LMX1A: variants seen among roughly 807,000 people sequenced by gnomAD.
LMX1A encodes LIM homeobox transcription factor 1-alpha.
LMX1A carries 15 observed loss-of-function variants against 49.1 expected under a neutral mutation model. The observed-to-expected ratio is 0.31, with a 90% CI of 0.20 to 0.47. LMX1A has a LOEUF of 0.47. Ranked by LOEUF, LMX1A falls within the 20% of genes least tolerant of loss-of-function variation. The pLI is 1.00. For missense variants in LMX1A, 372 were observed against 475.8 expected, an observed-to-expected ratio of 0.78 and a Z score of 2.03; for synonymous variants, 167 against 185.7, an observed-to-expected ratio of 0.90 and a Z score of 0.82.
rs115226726 is a variant in LMX1A, at chr1:165,262,203, G to A, written c.264-12563C>T. On this transcript the variant is annotated intron_variant, in intron 3 of 8. Coordinates refer to ENST00000342310, the MANE Select transcript of LMX1A (RefSeq NM_177398.4). The stretch of plus-strand genomic sequence containing the variant: ...GGGGTAGCCATGTGAGGTAGTACAT[G>A]GATTCTATTGGTGAGGAAAGCGCTA... 2.9e-3 allele frequency among the ~76,000 whole-genome samples: 443 copies of A among 152,246 alleles called. 3 individuals are homozygous for A. Among genetic ancestry groups the A allele is most frequent in the African/African-American group, 9.9e-3 (413 of 41,544 alleles).
intron 4 of LMX1A, among the ~76,000 whole-genome samples, chr1:165,216,553 G>A (rs1651650309): frequency 6.6e-6 from 1 of 152,190 alleles, no homozygotes; most frequent in Admixed American, 6.5e-5. Flanking sequence ...GCCAGGCTCA[G>A]AAAGAGAGCT....
At position 165,203,673 on chromosome 1, in the gene LMX1A, T is replaced by C. The variant is rs532193350; in HGVS notation, c.*207A>G. The stretch of plus-strand genomic sequence containing the variant: ...GTCTTCATATCTAATGCTAAGACTC[T>C]TATTAGAAACATTAAACTATGCAAT... On this transcript the variant is annotated 3_prime_UTR_variant, in exon 9 of 9. Coordinates refer to ENST00000342310, the MANE Select transcript of LMX1A (RefSeq NM_177398.4). The C allele has an allele frequency of 8.8e-6, 4 of 456,960 alleles. No individual in the cohort carries two copies. The East Asian group carries it at 1.3e-4, about 14-fold the overall frequency. The allele number at this position is 456,960 out of a possible 1,614,324, so 28.3% of individuals were successfully genotyped here.
At chr1:165,317,850 C>A (rs929723309) in intron 3 of LMX1A, among the ~76,000 whole-genome samples, 1 of 152,220 alleles carries the variant, frequency 6.6e-6, no homozygotes, top group Non-Finnish European at 1.5e-5. Flanking sequence ...CATTCCCTGG[C>A]AACCTATTTT....
At chr1:165,245,229 T>C (rs1175001101) in intron 4 of LMX1A, among the ~76,000 whole-genome samples, 2 of 152,106 alleles carry the variant, frequency 1.3e-5, no homozygotes, top group Non-Finnish European at 2.9e-5. Flanking sequence ...GAGTTAGTTT[T>C]TCAACCTTTG....
At chr1:165,223,540 AG>A (rs751403080) in intron 4 of LMX1A, among the ~76,000 whole-genome samples, 2 of 152,238 alleles carry the variant, frequency 1.3e-5, no homozygotes, top group Non-Finnish European at 2.9e-5. Context: ...AATGGGATAA[AG>A]AATGACTGCA....
chr1:165,277,103 G>C (rs1653992439), intron 3 of LMX1A, among the ~76,000 whole-genome samples: 1 of 152,238 alleles, frequency 6.6e-6, no homozygotes, highest in Admixed American at 6.5e-5. Flanking sequence ...ACTTCCACTT[G>C]ACTGTTTGCC....
chr1:165,301,550 T>C (rs1654774427), intron 3 of LMX1A, among the ~76,000 whole-genome samples: 1 of 152,232 alleles, frequency 6.6e-6, no homozygotes, highest in African/African-American at 2.4e-5. Flanking sequence ...CCCTTCTCCC[T>C]GTTTACCCAG....
chr1:165,295,562 C>T (rs952392992), intron 3 of LMX1A, among the ~76,000 whole-genome samples: 4 of 151,728 alleles, frequency 2.6e-5, no homozygotes, highest in African/African-American at 9.7e-5. Context: ...AAGATCCCAG[C>T]CTTCCCAAGG....
At chr1:165,253,514 C>A (rs1012987073) in intron 3 of LMX1A, among the ~76,000 whole-genome samples, 1 of 152,084 alleles carries the variant, frequency 6.6e-6, no homozygotes, top group Non-Finnish European at 1.5e-5. Flanking sequence ...CATTCTAATT[C>A]TTTGAGTGAA....
intron 4 of LMX1A, among the ~76,000 whole-genome samples, chr1:165,234,177 A>G (rs904203122): frequency 1.4e-4 from 22 of 152,186 alleles, no homozygotes; most frequent in Non-Finnish European, 3.1e-4. Flanking sequence ...AGTGCTCCAG[A>G]GCAACACTAC....
chr1:165,249,356 C>A, intron 4 of LMX1A, 52 bp downstream of exon 4: 1 of 1,318,498 alleles, frequency 7.6e-7, no homozygotes, highest in Non-Finnish European at 1.1e-6. Flanking sequence ...GACAGCCACC[C>A]AACTCCACTC....
chr1:165,351,042 G>A (rs1289957170), intron 3 of LMX1A, among the ~76,000 whole-genome samples: 5 of 152,106 alleles, frequency 3.3e-5, no homozygotes, highest in Admixed American at 1.3e-4. Context: ...GAAATGGAAG[G>A]GACATTGTTG....
At position 165,355,701 on chromosome 1, in the gene LMX1A, A is replaced by G; in HGVS notation, c.-22-120T>C. The G allele has an allele frequency of 4.2e-6, 3 of 712,652 alleles. No homozygotes were observed. The South Asian group carries it at 5.2e-5, about 12-fold the overall frequency. The allele number at this position is 712,652 out of a possible 1,614,324, so 44.1% of individuals were successfully genotyped here. On this transcript the variant is annotated intron_variant, in intron 1 of 8. Transcript: ENST00000342310. This position sits in a 1 kb window ranked among gnomAD's most constrained non-coding sequence, Gnocchi z 4.7. ...TCCAGGGCGACCAGAATCAGCCAGG[A>G]GGATAGGGTCCAGCCAAGAGAATGT... is the stretch of plus-strand genomic sequence containing the variant.
intron 3 of LMX1A, among the ~76,000 whole-genome samples, chr1:165,346,510 A>G (rs1656248476): frequency 6.6e-6 from 1 of 152,256 alleles, no homozygotes; most frequent in Admixed American, 6.5e-5. Context: ...AGCTCTACAG[A>G]TGATTTGGTT....
At chr1:165,287,665 T>C (rs1222346858) in intron 3 of LMX1A, among the ~76,000 whole-genome samples, 1 of 152,106 alleles carries the variant, frequency 6.6e-6, no homozygotes, top group Admixed American at 6.5e-5. Context: ...CCATGCTTAA[T>C]ACAGAGGTTT....
intron 3 of LMX1A, among the ~76,000 whole-genome samples, chr1:165,326,987 T>C (rs1395540739): frequency 6.6e-6 from 1 of 152,054 alleles, no homozygotes; most frequent in African/African-American, 2.4e-5. Flanking sequence ...ACAATGGCAA[T>C]AGTGCTGAGA....
chr1:165,215,741 T>C (rs996198602), intron 4 of LMX1A, among the ~76,000 whole-genome samples: 1 of 152,194 alleles, frequency 6.6e-6, no homozygotes, highest in African/African-American at 2.4e-5. Flanking sequence ...CCTGAGGACA[T>C]GACCCTTTCA....
chr1:165,312,045 A>T (rs1655092384), intron 3 of LMX1A, among the ~76,000 whole-genome samples: 1 of 152,078 alleles, frequency 6.6e-6, no homozygotes, highest in South Asian at 2.1e-4. Flanking sequence ...TCTTTATTCA[A>T]CTCTGACAAA....
chr1:165,332,205 C>T (rs996641071), intron 3 of LMX1A, among the ~76,000 whole-genome samples: 13 of 151,744 alleles, frequency 8.6e-5, no homozygotes, highest in African/African-American at 3.1e-4. Flanking sequence ...CAAAAGAAGG[C>T]ATGAAAAGAG....
Sources: allele counts gnomAD v4.1 joint callset (sites outside exome capture counted in the v4.1 genomes callset), GRCh38; gene constraint gnomAD v4.1.1; non-coding constraint Gnocchi (gnomAD v3.1); transcripts MANE v1.5; gene names NCBI Gene and HGNC (gene_info 2026-07-23, HGNC 2026-07-21).